FIBCD1: variants seen among roughly 807,000 people sequenced by gnomAD.
FIBCD1 encodes fibrinogen C domain containing 1.
FIBCD1 carries 47 observed loss-of-function variants against 45.1 expected under a neutral mutation model. The observed-to-expected ratio is 1.04, with a 90% confidence interval of 0.82 to 1.33. FIBCD1 has a LOEUF of 1.33. Ranked by LOEUF, FIBCD1 falls within the 40% of genes most tolerant of loss-of-function variation. FIBCD1 has a pLI of 0.00. For synonymous variants in FIBCD1, 313 were observed against 308.1 expected (o/e 1.02, Z -0.17); for missense variants, 653 against 682.2 (o/e 0.96, Z 0.48).
chr9:130,912,054 G>T (rs1245966794), intron 4 of FIBCD1, among the ~76,000 whole-genome samples, 166 bp from the exon 5 acceptor site: 1 of 151,906 alleles, frequency 6.6e-6, no homozygotes, highest in East Asian at 2.0e-4. Flanking sequence ...CTGGCCAGGG[G>T]CCTGGAAAAC....
At chr9:130,915,617 C>T (rs1832144702) in intron 4 of FIBCD1, among the ~76,000 whole-genome samples, 1 of 152,184 alleles carries the variant, frequency 6.6e-6, no homozygotes, top group Non-Finnish European at 1.5e-5. Flanking sequence ...GCAGGATAAT[C>T]ACTTGAACCC....
intron 2 of FIBCD1, among the ~76,000 whole-genome samples, chr9:130,925,580 G>C (rs1832344617): frequency 6.6e-6 from 1 of 152,176 alleles, no homozygotes; most frequent in Non-Finnish European, 1.5e-5. Context: ...GGAGAGCCTG[G>C]GCTGGGGAGC....
intron 5 of FIBCD1, 109 bp downstream of exon 5, chr9:130,911,683 G>A (rs1832051554): frequency 3.2e-6 from 3 of 939,784 alleles, no homozygotes; most frequent in African/African-American, 1.6e-5. Flanking sequence ...GTGTGCCGAG[G>A]CCAGGGAAAC....
At chr9:130,930,862 A>C in intron 1 of FIBCD1, 1 of 454,510 alleles carries the variant, frequency 2.2e-6, no homozygotes, top group South Asian at 1.6e-5. Context: ...GCTGTGATGC[A>C]ACAGCAGCGA....
chr9:130,930,402 ATG>A (rs1564340921), intron 1 of FIBCD1, among the ~76,000 whole-genome samples: 2 of 150,582 alleles, frequency 1.3e-5, no homozygotes, highest in Non-Finnish European at 3.0e-5. Flanking sequence ...ACATGGGGAG[ATG>A]CGGGGAGACG....
chr9:130,927,530 AC>A (rs1188397080), intron 2 of FIBCD1, among the ~76,000 whole-genome samples: 3 of 152,214 alleles, frequency 2.0e-5, no homozygotes, highest in Admixed American at 6.5e-5. Context: ...TGGGGCCTGG[AC>A]TGGATCCCAG....
chr9:130,932,893 G>T (rs898291536), intron 1 of FIBCD1, among the ~76,000 whole-genome samples: 16 of 152,212 alleles, frequency 1.1e-4, no homozygotes, highest in Admixed American at 6.5e-5. Context: ...CCCGTCGGGA[G>T]ACACCTTGCC....
chr9:130,910,521 G>T lies in FIBCD1; in HGVS notation c.946+1271C>A, dbSNP rs1011434454. 2.6e-5 allele frequency among the ~76,000 whole-genome samples: 4 copies of T among 152,382 alleles called. No homozygotes were observed. The East Asian group carries it at 7.7e-4, about 29-fold the overall frequency. ...TGAGGAGTGCAGGCACACGGCGCGG[G>T]ACTGGCAGGCAGCTCCACCTGCAGT... On this transcript the variant is annotated intron_variant, in intron 5 of 6. Coordinates refer to ENST00000372338, the MANE Select transcript of FIBCD1 (RefSeq NM_032843.5).
rs898571125 is a variant in FIBCD1 at position 130,922,267 on chromosome 9, G to A, written c.849+1477C>T. Among the ~76,000 whole-genome samples the A allele has an allele frequency of 9.9e-5, 15 of 152,060 alleles. 1 individual carries two copies. Among genetic ancestry groups the A allele is most frequent in the Admixed American group, 7.9e-4 (12 of 15,278 alleles). On this transcript the variant is annotated intron_variant, in intron 4 of 6. Coordinates refer to ENST00000372338, the MANE Select transcript of FIBCD1 (RefSeq NM_032843.5). This position sits in a 1 kb window ranked among gnomAD's most constrained non-coding sequence, Gnocchi z 4.5. ...GCCCTGGGGCGGTGGGGTTCTCACC[G>A]GCCCACCCCCGGGCCTGGTCTGGGG... is the stretch of plus-strand genomic sequence containing the variant.
Position 130,905,371 on chromosome 9 carries a change from T to C in FIBCD1, c.989A>G (p.Glu330Gly). ...IHALTTQAAYELHVDLEDFEN... is the reference protein window; with the variant it reads ...IHALTTQAAYGLHVDLEDFEN... ...AAAGTCCTCCAGGTCCACGTGCAGC[T>C]CGTAGGCAGCCTGTGTGGTCAGGGC... is the stretch of plus-strand genomic sequence containing the variant. The change falls in exon 6 of 7, where the codon GAG becomes GGG. Residue 330 changes from glutamate to glycine, a missense_variant. By Grantham distance (98) the Glu-to-Gly change is moderately conservative (BLOSUM62 -2). Coordinates refer to ENST00000372338, the MANE Select transcript of FIBCD1 (RefSeq NM_032843.5). 1 of 1,613,936 alleles carries C rather than the reference T, an allele frequency of 6.2e-7. No individual in the cohort carries two copies. The highest frequency in any genetic ancestry group is 8.5e-7 in the Non-Finnish European group (1 of 1,179,956).
rs919433487 is a variant in FIBCD1 at position 130,936,915 on chromosome 9, G to A, written c.72+1621C>T. ...AGGGCATCAGGAAGTCTTCCTGGAG[G>A]AGGTGGCAGCATTTGAGCTTGATTT... On this transcript the variant is annotated intron_variant, in intron 1 of 6. Transcript: ENST00000372338. Among the ~76,000 whole-genome samples, 7 of 152,292 alleles carry A rather than the reference G, an allele frequency of 4.6e-5. No homozygotes were observed. The East Asian group carries it at 1.4e-3, about 29-fold the overall frequency.
chr9:130,927,666 A>G (rs2133114047), intron 2 of FIBCD1, among the ~76,000 whole-genome samples: 1 of 152,230 alleles, frequency 6.6e-6, no homozygotes, highest in East Asian at 1.9e-4. Context: ...GAGGCCCAGG[A>G]ACTTGCCTTT....
intron 1 of FIBCD1, among the ~76,000 whole-genome samples, chr9:130,936,869 A>G (rs1308140936): frequency 1.3e-5 from 2 of 152,224 alleles, no homozygotes; most frequent in African/African-American, 2.4e-5. Flanking sequence ...AAACACTACT[A>G]GAACTTAGAG....
chr9:130,936,261 G>A (rs1832518608), intron 1 of FIBCD1: 1 of 152,382 alleles, frequency 6.6e-6, no homozygotes, highest in Non-Finnish European at 1.5e-5. Flanking sequence ...CCACAAGGGA[G>A]GAGAGAAGGC....
At chr9:130,910,240 G>A (rs2049668) in intron 5 of FIBCD1, among the ~76,000 whole-genome samples, 1 of 61,304 alleles carries the variant, frequency 1.6e-5, no homozygotes, top group Admixed American at 1.8e-4. Flanking sequence ...CGCTGGCCCC[G>A]GGGCAATGAG....
In FIBCD1 at chr9:130,931,935, C is replaced by T. The variant is rs542154630; in HGVS notation, c.73-1889G>A. On this transcript the variant is annotated intron_variant, in intron 1 of 6. Transcript: ENST00000372338. ...AAAGCACTTGGAGCCGTGCCTGGCA[C>T]GTTGTGCTGGCACAGTAAATATTAG... Among the ~76,000 whole-genome samples the T allele has an allele frequency of 5.2e-5, 8 of 152,386 alleles. No homozygotes were observed. In the East Asian group the frequency reaches 7.7e-4, roughly 15 times the overall value.
chr9:130,921,896 C>T (rs972289280), intron 4 of FIBCD1, among the ~76,000 whole-genome samples: 3 of 152,242 alleles, frequency 2.0e-5, no homozygotes, highest in African/African-American at 7.2e-5. Flanking sequence ...ATGTGTCTGT[C>T]TTTGGGGTCT....
At position 130,926,658 on chromosome 9, in the gene FIBCD1, A is replaced by G. The variant is rs1392218588; in HGVS notation, c.553-2262T>C. Among the ~76,000 whole-genome samples, 3 of 151,992 alleles carry G rather than the reference A, an allele frequency of 2.0e-5. No homozygotes were observed. In the East Asian group the frequency reaches 5.8e-4, roughly 29 times the overall value. ...AACATGGTGAAACTCTGTGTCTACT[A>G]AAAATACAAAAAAATTAGCCGGGCG... On this transcript the variant is annotated intron_variant, in intron 2 of 6. Transcript: ENST00000372338. This position sits in a 1 kb window ranked among gnomAD's most constrained non-coding sequence, Gnocchi z 4.1.
intron 5 of FIBCD1, among the ~76,000 whole-genome samples, chr9:130,911,092 C>T (rs1015646211): frequency 7.2e-5 from 11 of 152,198 alleles, no homozygotes; most frequent in East Asian, 3.8e-4. Context: ...CTCAGGTTCC[C>T]TCCTGCGCTG....
Sources: gnomAD v4.1 joint callset for allele counts (sites outside exome capture counted in the v4.1 genomes callset) on GRCh38, gnomAD v4.1.1 for gene constraint, Gnocchi (gnomAD v3.1) non-coding constraint, MANE v1.5 for transcripts, NCBI Gene and HGNC (gene_info 2026-07-23, HGNC 2026-07-21) for gene names.